The following RABGAP1L variants were observed in gnomAD, a reference collection of about 807,000 sequenced individuals.
RABGAP1L encodes RAB GTPase activating protein 1 like, also known as rab GTPase-activating protein 1-like.
Under a neutral mutation model 137.7 loss-of-function variants are expected in RABGAP1L, and 63 were observed. The ratio of observed to expected loss-of-function variants is 0.46; its 90% CI spans 0.37 to 0.56. RABGAP1L has a LOEUF of 0.56. Among genes scored for constraint, RABGAP1L ranks in the 20% least tolerant of loss-of-function variants. The probability of loss-of-function intolerance (pLI) is 0.00; values close to 1 mark genes in which losing one functional copy is unlikely to be tolerated. For synonymous variants in RABGAP1L, 431 were observed against 433.7 expected, an observed-to-expected ratio of 0.99 and a Z score of 0.08; for missense variants, 1,095 against 1,244.0, an observed-to-expected ratio of 0.88 and a Z score of 1.80.
intron 14 of RABGAP1L, among the ~76,000 whole-genome samples, chr1:174,664,840 C>A (rs1489026757): frequency 6.7e-6 from 1 of 148,236 alleles, no homozygotes; most frequent in African/African-American, 2.5e-5. Flanking sequence ...CGGGTTCAAG[C>A]GTTTCTCCTG....
chr1:174,769,598 ATAAAC>A (rs1230757038), intron 18 of RABGAP1L, among the ~76,000 whole-genome samples: 1 of 152,196 alleles, frequency 6.6e-6, no homozygotes, highest in African/African-American at 2.4e-5. Context: ...CATTTAAACT[ATAAAC>A]TAAATGTTTC....
chr1:174,467,220 T>G (rs1272252123), intron 13 of RABGAP1L, among the ~76,000 whole-genome samples: 2 of 152,152 alleles, frequency 1.3e-5, no homozygotes, highest in African/African-American at 4.8e-5. Context: ...TGTCTAGAAT[T>G]TTACTAGATG....
rs186033273 is a variant in RABGAP1L at position 174,832,218 on chromosome 1, G to A, written c.2340+20258G>A. ...TGAGGCAGGAGAATCGCTTGAACCCGGGAGGTGGAGGTTGCAGTGAGCCGA... is the reference window on the plus strand; with the variant it reads ...TGAGGCAGGAGAATCGCTTGAACCCAGGAGGTGGAGGTTGCAGTGAGCCGA... On this transcript the variant is annotated intron_variant, in intron 19 of 25. Coordinates refer to ENST00000681986, the MANE Select transcript of RABGAP1L (RefSeq NM_001366446.1). 8.3e-4 allele frequency among the ~76,000 whole-genome samples: 122 copies of A among 146,938 alleles called. 6 individuals carry two copies. The highest frequency in any genetic ancestry group is 3.6e-3 in the Middle Eastern group (1 of 280).
At chr1:174,551,536 G>T (rs1666545706) in intron 13 of RABGAP1L, among the ~76,000 whole-genome samples, 1 of 152,128 alleles carries the variant, frequency 6.6e-6, no homozygotes, top group Admixed American at 6.5e-5. Flanking sequence ...GAAGTGTACA[G>T]CAGTAAGTGC....
At chr1:174,882,236 C>T (rs1205041480) in intron 19 of RABGAP1L, among the ~76,000 whole-genome samples, 16 of 152,132 alleles carry the variant, frequency 1.1e-4, no homozygotes, top group Non-Finnish European at 1.5e-5. Flanking sequence ...TAGAAACTTT[C>T]TTAGTACAGG....
chr1:174,588,607 G>A (rs75484762), intron 13 of RABGAP1L, among the ~76,000 whole-genome samples: 3,687 of 151,982 alleles, frequency 0.024, 143 homozygotes, highest in African/African-American at 0.084. Flanking sequence ...CACTACTCCC[G>A]CTACCCTTCT....
intron 7 of RABGAP1L, among the ~76,000 whole-genome samples, chr1:174,257,435 A>G (rs1236306740): frequency 1.3e-5 from 2 of 152,340 alleles, no homozygotes; most frequent in East Asian, 3.9e-4. Flanking sequence ...TTGAATGCCT[A>G]ATTATATATA....
At chr1:174,635,856 C>T (rs1256340959) in intron 13 of RABGAP1L, among the ~76,000 whole-genome samples, 1 of 152,150 alleles carries the variant, frequency 6.6e-6, no homozygotes, top group East Asian at 1.9e-4. Flanking sequence ...TAGAGCTAAT[C>T]AACCACCCCC....
intron 13 of RABGAP1L, among the ~76,000 whole-genome samples, chr1:174,485,535 G>A (rs1275409762): frequency 6.6e-6 from 1 of 152,110 alleles, no homozygotes; most frequent in Non-Finnish European, 1.5e-5. Flanking sequence ...TTTTTGGAGG[G>A]TTTTTACCAT....
intron 14 of RABGAP1L, among the ~76,000 whole-genome samples, chr1:174,681,336 A>G (rs187740984): frequency 6.6e-6 from 1 of 152,366 alleles, no homozygotes; most frequent in Admixed American, 6.5e-5. Flanking sequence ...TGGTATATTC[A>G]TACAGTATAT....
chr1:174,787,905 T>C (rs1687576628), intron 18 of RABGAP1L, among the ~76,000 whole-genome samples: 1 of 152,118 alleles, frequency 6.6e-6, no homozygotes, highest in African/African-American at 2.4e-5. Flanking sequence ...TTGGGTACAG[T>C]TGGATATGTG....
Position 174,988,838 on chromosome 1 carries a change from G to A in RABGAP1L, c.3003G>A (p.Gln1001=). The A allele has an allele frequency of 6.5e-7, 1 of 1,534,746 alleles. No individual in the cohort carries two copies. Among genetic ancestry groups the A allele is most frequent in the Non-Finnish European group, 8.8e-7 (1 of 1,140,526 alleles). The change falls in exon 25 of 26, where the codon CAG becomes CAA. Residue 1001 remains glutamine, a splice_region_variant and synonymous_variant. Transcript: ENST00000681986. The part of the protein sequence containing the change: ...LQLVEAKCKI[Q]ELEHQRGALM... ...TGGTGGAGGCCAAGTGTAAAATTCAGGTTGGTGATTTGATAAAAGAACAAG... is the reference window on the plus strand; with the variant it reads ...TGGTGGAGGCCAAGTGTAAAATTCAAGTTGGTGATTTGATAAAAGAACAAG...
intron 14 of RABGAP1L, among the ~76,000 whole-genome samples, chr1:174,653,131 G>T (rs1202619375): frequency 1.3e-5 from 2 of 152,156 alleles, no homozygotes. Context: ...CCTCAGTAAT[G>T]GTGGACGCCC....
At chr1:174,228,952 G>A (rs778912061) in intron 3 of RABGAP1L, among the ~76,000 whole-genome samples, 2 of 152,072 alleles carry the variant, frequency 1.3e-5, no homozygotes, top group African/African-American at 2.4e-5. Context: ...CCTGATACAC[G>A]GAGATGGATG....
intron 19 of RABGAP1L, among the ~76,000 whole-genome samples, chr1:174,881,892 G>T (rs553273029): frequency 1.3e-5 from 2 of 151,790 alleles, no homozygotes. Context: ...ATGCAGTTTC[G>T]CACTTGTTGC....
intron 11 of RABGAP1L, among the ~76,000 whole-genome samples, chr1:174,362,753 T>C (rs892711151): frequency 6.6e-6 from 1 of 152,234 alleles, no homozygotes; most frequent in Non-Finnish European, 1.5e-5. Flanking sequence ...GATAGTGTTT[T>C]GTTGTTGTTG....
chr1:174,799,695 A>G (rs1688549810), intron 18 of RABGAP1L, among the ~76,000 whole-genome samples: 2 of 151,612 alleles, frequency 1.3e-5, no homozygotes, highest in South Asian at 2.1e-4. Flanking sequence ...ATGCTCATTC[A>G]CCTACCTCCT....
At chr1:174,712,431 C>T (rs1013625902) in intron 17 of RABGAP1L, among the ~76,000 whole-genome samples, 4 of 152,138 alleles carry the variant, frequency 2.6e-5, no homozygotes, top group Admixed American at 6.5e-5. Context: ...CCTTTAAGAA[C>T]TGTAACACTC....
At chr1:174,407,188 C>T (rs1649378590) in intron 13 of RABGAP1L, among the ~76,000 whole-genome samples, 1 of 152,136 alleles carries the variant, frequency 6.6e-6, no homozygotes, top group Non-Finnish European at 1.5e-5. Flanking sequence ...CCTGCCCCAA[C>T]ATGTTATACA....
Sources: allele counts gnomAD v4.1 joint callset (sites outside exome capture counted in the v4.1 genomes callset), GRCh38; gene constraint gnomAD v4.1.1; transcripts MANE v1.5; gene names NCBI Gene and HGNC (gene_info 2026-07-23, HGNC 2026-07-21).